Variants in LARGE1 observed in about 807,000 individuals in gnomAD.
LARGE1 encodes LARGE xylosyl- and glucuronyltransferase 1.
In LARGE1, 43 loss-of-function variants were observed where a neutral mutation model predicts 87.6. The observed-to-expected ratio is 0.49, with a 90% CI of 0.38 to 0.63. The LOEUF (loss-of-function observed/expected upper bound fraction) is 0.63. Among genes scored for constraint, LARGE1 ranks in the 30% least tolerant of loss-of-function variants. LARGE1 has a pLI of 0.00. For synonymous variants in LARGE1, 434 were observed against 394.6 expected, an observed-to-expected ratio of 1.10 and a Z score of -1.18; for missense variants, 802 against 1,000.2, an observed-to-expected ratio of 0.80 and a Z score of 2.67.
At chr22:33,547,082 T>TTCA (rs2077380241) in intron 6 of LARGE1, among the ~76,000 whole-genome samples, 1 of 152,188 alleles carries the variant, frequency 6.6e-6, no homozygotes, top group Non-Finnish European at 1.5e-5. Flanking sequence ...AGATGTGGAC[T>TTCA]GAACTGTTAT....
chr22:33,562,683 C>T (rs972582262), intron 6 of LARGE1, among the ~76,000 whole-genome samples: 4 of 152,114 alleles, frequency 2.6e-5, no homozygotes, highest in African/African-American at 9.7e-5. Flanking sequence ...ATGATATCAG[C>T]GTATTTAAAA....
chr22:33,508,983 G>C (rs2070906925), intron 6 of LARGE1, among the ~76,000 whole-genome samples: 1 of 152,118 alleles, frequency 6.6e-6, no homozygotes, highest in Non-Finnish European at 1.5e-5. Context: ...CTGCTAATTG[G>C]CTTCAATTTA....
At chr22:33,289,009 A>T (rs1447296378) in intron 12 of LARGE1, among the ~76,000 whole-genome samples, 3 of 152,052 alleles carry the variant, frequency 2.0e-5, no homozygotes, top group Non-Finnish European at 2.9e-5. Context: ...CCCAGGCTGG[A>T]GTGCGGTGGT....
chr22:33,403,297 A>G (rs1301885215), intron 7 of LARGE1, among the ~76,000 whole-genome samples: 1 of 152,232 alleles, frequency 6.6e-6, no homozygotes, highest in Non-Finnish European at 1.5e-5. Flanking sequence ...AGATGAGACC[A>G]TAACTTATTT....
intron 11 of LARGE1, among the ~76,000 whole-genome samples, chr22:33,199,297 T>A (rs1924250311): frequency 6.6e-6 from 1 of 152,056 alleles, no homozygotes; most frequent in Non-Finnish European, 1.5e-5. Flanking sequence ...ACTTTTTCCC[T>A]GCTGTAGGGT....
chr22:33,420,754 T>C (rs2066661955), intron 7 of LARGE1, among the ~76,000 whole-genome samples: 1 of 152,184 alleles, frequency 6.6e-6, no homozygotes, highest in Non-Finnish European at 1.5e-5. Flanking sequence ...TTAATTTCTG[T>C]CCAACAAATG....
At chr22:33,752,408 T>A (rs1382084940) in intron 2 of LARGE1, among the ~76,000 whole-genome samples, 1 of 152,110 alleles carries the variant, frequency 6.6e-6, no homozygotes. Context: ...AAAAATAAAA[T>A]AAAATTGACT....
At chr22:33,477,497 A>T (rs1340559914) in intron 6 of LARGE1, among the ~76,000 whole-genome samples, 1 of 152,108 alleles carries the variant, frequency 6.6e-6, no homozygotes, top group East Asian at 1.9e-4. Context: ...GTAAATGAAA[A>T]CTGCCTGTCC....
chr22:33,447,436 C>T (rs563290571), intron 6 of LARGE1, among the ~76,000 whole-genome samples: 4 of 152,100 alleles, frequency 2.6e-5, no homozygotes, highest in East Asian at 3.9e-4. Flanking sequence ...AACCAGGAGC[C>T]GGGAGGTGAG....
intron 1 of LARGE1, among the ~76,000 whole-genome samples, chr22:33,841,679 C>T (rs1382571026): frequency 6.6e-6 from 1 of 152,202 alleles, no homozygotes; most frequent in Non-Finnish European, 1.5e-5. Context: ...AATCTGAGTC[C>T]TATGTCTCCC....
At chr22:33,568,117 C>A (rs971545146) in intron 5 of LARGE1, among the ~76,000 whole-genome samples, 2 of 152,220 alleles carry the variant, frequency 1.3e-5, no homozygotes, top group African/African-American at 2.4e-5. Flanking sequence ...GCCAAAAGGG[C>A]CCAGGCCAGC....
At chr22:33,079,337 C>T in the LARGE1 span, among the ~76,000 whole-genome samples, 3 of 150,084 alleles carry the variant, frequency 2.0e-5, no homozygotes, top group African/African-American at 4.9e-5. Context: ...ACGCCATTCT[C>T]CTGCTTCAGC....
At chr22:33,455,518 C>T (rs1240218878) in intron 6 of LARGE1, among the ~76,000 whole-genome samples, 1 of 151,842 alleles carries the variant, frequency 6.6e-6, no homozygotes, top group African/African-American at 2.4e-5. Context: ...TTTGGGAGGC[C>T]GAGGCAGGAG....
intron 9 of LARGE1, among the ~76,000 whole-genome samples, chr22:33,368,248 G>T (rs112762436): frequency 0.012 from 1,779 of 152,082 alleles, 21 homozygotes; most frequent in African/African-American, 0.035. Context: ...AAAAAAATAT[G>T]GGCTGGGTGC....
chr22:33,750,477 A>G (rs1303049593), intron 2 of LARGE1: 7 of 152,248 alleles, frequency 4.6e-5, no homozygotes, highest in Non-Finnish European at 1.0e-4. Flanking sequence ...TTGGTTTAAC[A>G]TGCGATAAAT....
the LARGE1 span, among the ~76,000 whole-genome samples, chr22:33,149,752 C>T: frequency 7.0e-3 from 1,069 of 152,248 alleles, 8 homozygotes; most frequent in African/African-American, 0.024. Flanking sequence ...AATTCAGCTC[C>T]TTATGCTTGT....
chr22:33,546,538 C>G (rs890128990), intron 6 of LARGE1, among the ~76,000 whole-genome samples: 1 of 152,310 alleles, frequency 6.6e-6, no homozygotes, highest in Admixed American at 6.5e-5. Context: ...ATTCTCAGAA[C>G]AGGACCTCCA....
intron 7 of LARGE1, among the ~76,000 whole-genome samples, chr22:33,423,386 T>C (rs1265679014): frequency 6.6e-6 from 1 of 152,034 alleles, no homozygotes; most frequent in African/African-American, 2.4e-5. Context: ...TTAAAAAAAT[T>C]ATAATTATGG....
intron 12 of LARGE1, among the ~76,000 whole-genome samples, chr22:33,303,715 T>C (rs1219175371): frequency 1.3e-5 from 2 of 151,918 alleles, no homozygotes; most frequent in Non-Finnish European, 2.9e-5. Flanking sequence ...TCCGACTCCC[T>C]GGTTCAAGAG....
Sources: gnomAD v4.1 joint callset for allele counts (sites outside exome capture counted in the v4.1 genomes callset) on GRCh38, gnomAD v4.1.1 for gene constraint, MANE v1.5 for transcripts, NCBI Gene and HGNC (gene_info 2026-07-23, HGNC 2026-07-21) for gene names.